The following THSD4 variants were observed in gnomAD, a reference collection of about 807,000 sequenced individuals.
THSD4 encodes the protein thrombospondin type-1 domain-containing protein 4.
THSD4 carries 69 observed loss-of-function variants against 119.0 expected under a neutral mutation model. The observed-to-expected ratio is 0.58, with a 90% CI of 0.48 to 0.71. THSD4 has a LOEUF of 0.71. Among genes scored for constraint, THSD4 ranks in the 30% least tolerant of loss-of-function variants. The probability of loss-of-function intolerance (pLI) is 0.00; values close to 1 mark genes in which losing one functional copy is unlikely to be tolerated. For synonymous variants in THSD4, 524 were observed against 540.4 expected, an observed-to-expected ratio of 0.97 and a Z score of 0.42; for missense variants, 1,393 against 1,391.1, an observed-to-expected ratio of 1.00 and a Z score of -0.02.
intron 7 of THSD4, among the ~76,000 whole-genome samples, chr15:71,627,767 C>G (rs780513742): frequency 9.9e-5 from 15 of 152,128 alleles, no homozygotes; most frequent in Non-Finnish European, 2.1e-4. Context: ...GAGATTTTTT[C>G]CAGTTGAGCT....
chr15:71,618,767 A>G (rs970317080), intron 7 of THSD4, among the ~76,000 whole-genome samples: 9 of 152,074 alleles, frequency 5.9e-5, no homozygotes, highest in Admixed American at 3.9e-4. Context: ...TTGTAGAGAC[A>G]GGGTCTCGCC....
At chr15:71,185,486 C>T (rs529847309) in intron 3 of THSD4, 32 of 149,412 alleles carry the variant, frequency 2.1e-4, no homozygotes, top group African/African-American at 6.5e-4. Context: ...CTATTACAAC[C>T]GTGGCTTTGA....
intron 6 of THSD4, among the ~76,000 whole-genome samples, chr15:71,394,912 C>A (rs1345919946): frequency 6.6e-6 from 1 of 152,188 alleles, no homozygotes; most frequent in Non-Finnish European, 1.5e-5. Context: ...TATTTCTGAA[C>A]AGATGTCAGT....
At chr15:71,281,632 A>G (rs1011258356) in intron 6 of THSD4, among the ~76,000 whole-genome samples, 1 of 152,252 alleles carries the variant, frequency 6.6e-6, no homozygotes, top group African/African-American at 2.4e-5. Flanking sequence ...TAGTAAATAT[A>G]GTACTTGATT....
intron 7 of THSD4, among the ~76,000 whole-genome samples, chr15:71,448,970 T>C (rs2047227222): frequency 6.6e-6 from 1 of 152,200 alleles, no homozygotes; most frequent in Non-Finnish European, 1.5e-5. Flanking sequence ...ACACATTTCA[T>C]GAGTACATAC....
At chr15:71,686,000 A>C (rs941754090) in intron 8 of THSD4, among the ~76,000 whole-genome samples, 2 of 152,216 alleles carry the variant, frequency 1.3e-5, no homozygotes, top group African/African-American at 4.8e-5. Flanking sequence ...TTTACAGAAG[A>C]GTTGCAGAGA....
intron 7 of THSD4, among the ~76,000 whole-genome samples, chr15:71,643,357 A>G (rs963046090): frequency 2.6e-5 from 4 of 152,162 alleles, no homozygotes; most frequent in African/African-American, 9.7e-5. Flanking sequence ...GGTTTGTTGT[A>G]TAGGTAAACT....
chr15:71,445,935 C>T (rs1435146048), intron 7 of THSD4, among the ~76,000 whole-genome samples: 1 of 152,222 alleles, frequency 6.6e-6, no homozygotes, highest in Non-Finnish European at 1.5e-5. Context: ...CCATGTTTTA[C>T]ACCATTTAGC....
rs1166040658 is a variant in THSD4 at position 71,115,697 on chromosome 15, A to C, written c.-81A>C. 1.4e-5 allele frequency: 2 copies of C among 146,514 alleles called. No homozygotes were observed. The highest frequency in any genetic ancestry group is 6.8e-5 in the Admixed American group (1 of 14,774). The allele number at this position is 146,514 out of a possible 1,614,324, so 9.1% of individuals were successfully genotyped here. A position where few individuals can be genotyped will look rare whatever the true frequency, so the allele number is the denominator to read the frequency against. On this transcript the variant is annotated splice_region_variant and 5_prime_UTR_variant, in exon 1 of 18. Transcript: ENST00000261862. The surrounding 1 kb of genome is among the most constrained non-coding windows in gnomAD (Gnocchi z 4.4). ...CGGTCGCTCCGGGACGCGGACCGCC[A>C]GGTGAGCAGAGCCGCGCGCCCCGCG...
intron 6 of THSD4, among the ~76,000 whole-genome samples, chr15:71,330,265 C>A (rs1303614725): frequency 1.3e-5 from 2 of 152,090 alleles, no homozygotes; most frequent in African/African-American, 2.4e-5. Flanking sequence ...AGCTATAGGA[C>A]CTTTGTTAAA....
In THSD4 at chr15:71,779,940, T is replaced by C. The variant is rs2053972980; in HGVS notation, c.*2566T>C. On this transcript the variant is annotated 3_prime_UTR_variant, in exon 18 of 18. Transcript: ENST00000261862. ...AAGTTTGATTATTATTATAGTTTGA[T>C]CAATTTATTTGTCTTAGAGATCCAA... 1 of 152,122 alleles carries C rather than the reference T, an allele frequency of 6.6e-6. No individual in the cohort carries two copies. 9.4% of individuals were successfully genotyped at this position (152,122 alleles called of 1,614,324 possible). A position where few individuals can be genotyped will look rare whatever the true frequency, so the allele number is the denominator to read the frequency against.
chr15:71,404,414 T>A (rs1427093098), intron 6 of THSD4, among the ~76,000 whole-genome samples: 1 of 152,226 alleles, frequency 6.6e-6, no homozygotes, highest in African/African-American at 2.4e-5. Flanking sequence ...ATAGCATATA[T>A]CCATACTTTA....
At chr15:71,451,190 G>A (rs974215717) in intron 7 of THSD4, among the ~76,000 whole-genome samples, 18 of 152,136 alleles carry the variant, frequency 1.2e-4, no homozygotes, top group African/African-American at 2.4e-4. Flanking sequence ...AGAAAAAAAA[G>A]GGAGGCTTCT....
chr15:71,619,196 T>C (rs2050376264), intron 7 of THSD4, among the ~76,000 whole-genome samples: 1 of 152,066 alleles, frequency 6.6e-6, no homozygotes, highest in South Asian at 2.1e-4. Context: ...GGTCTTGAAC[T>C]CCTGACCTCA....
chr15:71,514,064 T>G (rs1473753055), intron 7 of THSD4, among the ~76,000 whole-genome samples: 1 of 152,206 alleles, frequency 6.6e-6, no homozygotes, highest in East Asian at 1.9e-4. Flanking sequence ...ACTTACTTGC[T>G]TAAGTAAATG....
intron 5 of THSD4, among the ~76,000 whole-genome samples, chr15:71,255,065 C>T (rs1278172173): frequency 2.0e-5 from 3 of 152,166 alleles, no homozygotes; most frequent in African/African-American, 7.2e-5. Context: ...TCTTCTGGTC[C>T]CTCATCTTCC....
chr15:71,777,225 G>C lies in THSD4; in HGVS notation c.2915-7G>C. 6.2e-7 allele frequency: 1 copy of C among 1,614,148 alleles called. No homozygotes were observed. Among genetic ancestry groups the C allele is most frequent in the Non-Finnish European group, 8.5e-7 (1 of 1,180,022 alleles). On this transcript the variant is annotated splice_polypyrimidine_tract_variant and splice_region_variant and intron_variant, in intron 17 of 17. Coordinates refer to ENST00000261862, the MANE Select transcript of THSD4 (RefSeq NM_024817.3). ...GGGAGTCTTCTGTTCATTCTCTTTCGCTACAGATGAAAACTGCAAGGACAA... is the reference window on the plus strand; with the variant it reads ...GGGAGTCTTCTGTTCATTCTCTTTCCCTACAGATGAAAACTGCAAGGACAA...
At chr15:71,442,581 T>A (rs200317118) in intron 7 of THSD4, among the ~76,000 whole-genome samples, 11,055 of 19,718 alleles carry the variant, frequency 0.56, 3,078 homozygotes, top group East Asian at 0.7. Flanking sequence ...AAAAAAAAAA[T>A]ATATATATAT....
At chr15:71,445,425 C>A (rs2047168208) in intron 7 of THSD4, among the ~76,000 whole-genome samples, 1 of 152,104 alleles carries the variant, frequency 6.6e-6, no homozygotes, top group Non-Finnish European at 1.5e-5. Context: ...TGAACAAATC[C>A]ATCTATTATT....
Sources: allele counts gnomAD v4.1 joint callset (sites outside exome capture counted in the v4.1 genomes callset), GRCh38; gene constraint gnomAD v4.1.1; non-coding constraint Gnocchi (gnomAD v3.1); transcripts MANE v1.5; gene names NCBI Gene and HGNC (gene_info 2026-07-23, HGNC 2026-07-21).